Variants in ARHGAP39 observed in about 807,000 individuals in gnomAD.
ARHGAP39 encodes the protein rho GTPase-activating protein 39.
A neutral mutation model predicts 106.9 loss-of-function variants in ARHGAP39; 44 were observed. That is an observed-to-expected ratio of 0.41 (90% CI 0.32 to 0.53). ARHGAP39 has a LOEUF of 0.53. Ranked by LOEUF, ARHGAP39 falls within the 20% of genes least tolerant of loss-of-function variation. The pLI, the probability that ARHGAP39 is intolerant of heterozygous loss-of-function variation, is 0.21. For synonymous variants in ARHGAP39, 768 were observed against 693.2 expected (o/e 1.11, Z -1.69); for missense variants, 1,496 against 1,577.3 (o/e 0.95, Z 0.87).
At chr8:144,610,784 G>A (rs761872894) in intron 1 of ARHGAP39, among the ~76,000 whole-genome samples, 2 of 151,900 alleles carry the variant, frequency 1.3e-5, no homozygotes, top group Non-Finnish European at 2.9e-5. Context: ...CATGATATCC[G>A]ACAAGTTTTG....
chr8:144,661,138 C>T (rs74809563), intron 1 of ARHGAP39, among the ~76,000 whole-genome samples: 1,621 of 152,260 alleles, frequency 0.011, 73 homozygotes, highest in Admixed American at 0.081. Flanking sequence ...ACATGCAGTC[C>T]TACACAGGGT....
intron 4 of ARHGAP39, among the ~76,000 whole-genome samples, chr8:144,553,540 G>C (rs989735322): frequency 6.6e-6 from 1 of 152,166 alleles, no homozygotes; most frequent in African/African-American, 2.4e-5. Context: ...CAGGCCACAA[G>C]CCCCCCGAGG....
At chr8:144,533,647 CAG>C (rs539709745) in intron 8 of ARHGAP39, among the ~76,000 whole-genome samples, 124 of 152,362 alleles carry the variant, frequency 8.1e-4, no homozygotes, top group African/African-American at 2.8e-3. Flanking sequence ...CACCAGCTCA[CAG>C]GGGCCCTTGG....
Position 144,533,001 on chromosome 8 carries a change from G to A in ARHGAP39, c.2888+125C>T, listed in dbSNP as rs1816790157. The stretch of plus-strand genomic sequence containing the variant: ...ACACTGTGGCCCCACCCTTCCATCT[G>A]CTCTCAGGTATGGGTGCGGAAGCAG... On this transcript the variant is annotated intron_variant, in intron 9 of 11. Transcript: ENST00000377307. The A allele has an allele frequency of 3.4e-6, 4 of 1,184,482 alleles. No individual in the cohort carries two copies. The Admixed American group carries it at 6.6e-5, about 20-fold the overall frequency. 73.4% of individuals were successfully genotyped at this position (1,184,482 alleles called of 1,614,324 possible).
At chr8:144,589,884 G>A (rs564745829) in intron 2 of ARHGAP39, among the ~76,000 whole-genome samples, 2 of 152,366 alleles carry the variant, frequency 1.3e-5, no homozygotes, top group African/African-American at 4.8e-5. Flanking sequence ...GGGCTGAGGG[G>A]CACAGAGGGG....
At chr8:144,583,097 G>A (rs1262605020) in intron 2 of ARHGAP39, among the ~76,000 whole-genome samples, 4 of 152,214 alleles carry the variant, frequency 2.6e-5, no homozygotes, top group East Asian at 3.9e-4. Context: ...GCTCTGGTCC[G>A]TGCTTTCCCT....
rs1346767961 is a variant in ARHGAP39, at chr8:144,671,592, C to T, written c.-82+14094G>A. On this transcript the variant is annotated intron_variant, in intron 1 of 11. Coordinates refer to ENST00000377307, the MANE Select transcript of ARHGAP39 (RefSeq NM_025251.3). This position sits in a 1 kb window ranked among gnomAD's most constrained non-coding sequence, Gnocchi z 4.5. ...GGCTCCGGCCACACATCCCTCCCGC[C>T]TGAGGCTCTTTCTGTGCCTGGTGAA... is the stretch of plus-strand genomic sequence containing the variant. 6.6e-6 allele frequency among the ~76,000 whole-genome samples: 1 copy of T among 152,252 alleles called. No individual in the cohort carries two copies. Among genetic ancestry groups the T allele is most frequent in the Non-Finnish European group, 1.5e-5 (1 of 68,038 alleles).
chr8:144,530,922 G>A, intron 10 of ARHGAP39, 51 bp from the exon 11 acceptor site: 1 of 1,568,692 alleles, frequency 6.4e-7, no homozygotes, highest in Non-Finnish European at 8.6e-7. Flanking sequence ...GCACCCCTGG[G>A]CCAAATGGGG....
intron 3 of ARHGAP39, among the ~76,000 whole-genome samples, chr8:144,578,217 T>C (rs556412348): frequency 1.3e-5 from 2 of 152,350 alleles, no homozygotes; most frequent in East Asian, 1.9e-4. Context: ...CCCAAATCTA[T>C]GACAGGTCAA....
At chr8:144,601,236 C>CTG (rs376885727) in intron 2 of ARHGAP39, among the ~76,000 whole-genome samples, 2 of 94,366 alleles carry the variant, frequency 2.1e-5, no homozygotes, top group African/African-American at 4.2e-5. Flanking sequence ...GCTCATGTAC[C>CTG]TGTGTGCATG....
intron 1 of ARHGAP39, among the ~76,000 whole-genome samples, chr8:144,682,726 G>A (rs1822459719): frequency 6.6e-6 from 1 of 152,046 alleles, no homozygotes; most frequent in Non-Finnish European, 1.5e-5. Flanking sequence ...AACAACAATG[G>A]CAGGCTGGGC....
chr8:144,603,703 AAAG>A (rs1453915709), intron 2 of ARHGAP39, among the ~76,000 whole-genome samples: 1 of 151,910 alleles, frequency 6.6e-6, no homozygotes, highest in Non-Finnish European at 1.5e-5. Context: ...AAAAAAAAAA[AAAG>A]AGGCCAAAAA....
chr8:144,686,000 G>C (rs1338116782), upstream of ARHGAP39, among the ~76,000 whole-genome samples: 1 of 151,540 alleles, frequency 6.6e-6, no homozygotes, highest in South Asian at 2.1e-4. Context: ...GTCCCGCGGA[G>C]GGCGCGCGCG....
intron 1 of ARHGAP39, among the ~76,000 whole-genome samples, chr8:144,640,406 T>C (rs1231795825): frequency 6.6e-6 from 1 of 152,116 alleles, no homozygotes; most frequent in East Asian, 1.9e-4. Flanking sequence ...TCTCACGAGA[T>C]CTGATGGTTT....
At chr8:144,557,301 CA>C (rs757402089) in intron 3 of ARHGAP39, among the ~76,000 whole-genome samples, 2 of 118,174 alleles carry the variant, frequency 1.7e-5, no homozygotes, top group East Asian at 2.4e-4. Context: ...TATTCAGCGG[CA>C]AAAGGCTGAA....
intron 3 of ARHGAP39, among the ~76,000 whole-genome samples, chr8:144,565,002 C>A (rs935384555): frequency 6.6e-6 from 1 of 151,780 alleles, no homozygotes; most frequent in African/African-American, 2.4e-5. Context: ...CCTAGCTACT[C>A]GGGAGGCTGA....
intron 2 of ARHGAP39, among the ~76,000 whole-genome samples, chr8:144,597,780 C>A (rs1819677616): frequency 6.6e-6 from 1 of 152,148 alleles, no homozygotes; most frequent in Admixed American, 6.5e-5. Context: ...GGCAGGTGGA[C>A]AGAGAACGCT....
intron 3 of ARHGAP39, among the ~76,000 whole-genome samples, chr8:144,564,352 T>C (rs978340542): frequency 4.6e-5 from 7 of 152,226 alleles, no homozygotes; most frequent in Non-Finnish European, 1.0e-4. Flanking sequence ...ACGTGCCACT[T>C]GGTGCTTCCC....
At chr8:144,534,014 T>G (rs1289921152) in intron 8 of ARHGAP39, 115 bp downstream of exon 8, 1 of 1,200,926 alleles carries the variant, frequency 8.3e-7, no homozygotes, top group African/African-American at 1.5e-5. Flanking sequence ...GGGCTCCATG[T>G]GGCACCCTCT....
Sources: allele counts gnomAD v4.1 joint callset (sites outside exome capture counted in the v4.1 genomes callset), GRCh38; gene constraint gnomAD v4.1.1; non-coding constraint Gnocchi (gnomAD v3.1); transcripts MANE v1.5; gene names NCBI Gene and HGNC (gene_info 2026-07-23, HGNC 2026-07-21).